Variants in COL25A1 observed in about 807,000 individuals in gnomAD.
COL25A1 encodes the protein collagen alpha-1(XXV) chain.
In COL25A1, 103 loss-of-function variants were observed where a neutral mutation model predicts 128.4. The ratio of observed to expected loss-of-function variants is 0.80; its 90% CI spans 0.68 to 0.94. The LOEUF is 0.94. Ranked by LOEUF, COL25A1 falls within the 40% of genes least tolerant of loss-of-function variation. The probability of loss-of-function intolerance (pLI) is 0.00; values close to 1 mark genes in which losing one functional copy is unlikely to be tolerated. For synonymous variants in COL25A1, 279 were observed against 277.2 expected (o/e 1.01, Z -0.06); for missense variants, 745 against 840.0 (o/e 0.89, Z 1.40).
At chr4:109,254,503 A>ATG (rs1314174661) in intron 3 of COL25A1, among the ~76,000 whole-genome samples, 23 of 113,924 alleles carry the variant, frequency 2.0e-4, no homozygotes, top group African/African-American at 3.3e-4. Context: ...ATATATATAT[A>ATG]TATGTATGTG....
chr4:109,117,307 C>T (rs750539734), intron 3 of COL25A1, among the ~76,000 whole-genome samples: 26 of 151,974 alleles, frequency 1.7e-4, no homozygotes, highest in East Asian at 3.9e-4. Flanking sequence ...ATAAGAATTA[C>T]GTCCAATTTC....
At chr4:108,814,526 G>A (rs1560689710) in intron 37 of COL25A1, among the ~76,000 whole-genome samples, 5 of 152,114 alleles carry the variant, frequency 3.3e-5, no homozygotes, top group African/African-American at 7.2e-5. Context: ...CTAAGGCACC[G>A]CAGATTTCTG....
At chr4:108,899,809 G>A (rs556255164) in intron 14 of COL25A1, among the ~76,000 whole-genome samples, 123 of 152,150 alleles carry the variant, frequency 8.1e-4, no homozygotes, top group Non-Finnish European at 1.4e-3. Flanking sequence ...GTGAGTTTAG[G>A]AATGATGTCC....
chr4:109,285,928 C>T (rs1560982398), intron 3 of COL25A1, among the ~76,000 whole-genome samples: 1 of 152,230 alleles, frequency 6.6e-6, no homozygotes, highest in East Asian at 1.9e-4. Context: ...CAGCATACCA[C>T]ATCAGTAATA....
intron 3 of COL25A1, among the ~76,000 whole-genome samples, chr4:109,268,305 G>A (rs1781928052): frequency 6.6e-6 from 1 of 152,098 alleles, no homozygotes; most frequent in African/African-American, 2.4e-5. Context: ...AAGCATTTAT[G>A]TCTATTTTTT....
intron 3 of COL25A1, among the ~76,000 whole-genome samples, chr4:109,248,441 A>C (rs1180961933): frequency 6.6e-6 from 1 of 152,132 alleles, no homozygotes; most frequent in Non-Finnish European, 1.5e-5. Flanking sequence ...CCAGCCACCC[A>C]TTCAACTGGC....
chr4:109,194,504 T>C (rs1775862939), intron 3 of COL25A1, among the ~76,000 whole-genome samples: 1 of 152,174 alleles, frequency 6.6e-6, no homozygotes, highest in South Asian at 2.1e-4. Flanking sequence ...TACACCCTGA[T>C]GAATAAAGCA....
chr4:108,863,794 C>A (rs1737555049), intron 20 of COL25A1, among the ~76,000 whole-genome samples: 2 of 152,194 alleles, frequency 1.3e-5, no homozygotes, highest in African/African-American at 2.4e-5. Context: ...GCTGAGAGCC[C>A]TTCCTCTCAG....
chr4:109,000,757 AAAAAAAAAAAAG>A lies in COL25A1; in HGVS notation c.438+9589_438+9600del, dbSNP rs1400875062. Among the ~76,000 whole-genome samples the A allele has an allele frequency of 2.4e-4, 35 of 143,418 alleles. 1 individual carries two copies. The highest frequency in any genetic ancestry group is 6.8e-4 in the African/African-American group (27 of 39,678). The allele number at this position is 143,418 out of a possible 152,430, so 94.1% of individuals were successfully genotyped here. The stretch of plus-strand genomic sequence containing the variant: ...TGAGACTCTGTCAAAAAAAAAAAAA[AAAAAAAAAAAAG>A]AAAAAACTATACACATAACACTTTG... On this transcript the variant is annotated intron_variant, in intron 6 of 37. Transcript: ENST00000399132.
chr4:109,245,435 A>C (rs1311468742), intron 3 of COL25A1, among the ~76,000 whole-genome samples: 1 of 150,768 alleles, frequency 6.6e-6, no homozygotes, highest in Middle Eastern at 3.2e-3. Flanking sequence ...GCCAAACTTG[A>C]AATAACAAAG....
At chr4:109,281,799 C>T (rs1723409719) in intron 3 of COL25A1, among the ~76,000 whole-genome samples, 1 of 152,008 alleles carries the variant, frequency 6.6e-6, no homozygotes. Context: ...AAGATTATAC[C>T]CATCTAGTTA....
intron 3 of COL25A1, among the ~76,000 whole-genome samples, chr4:109,268,118 T>A (rs1249064005): frequency 6.6e-6 from 1 of 152,206 alleles, no homozygotes; most frequent in African/African-American, 2.4e-5. Flanking sequence ...AAATGAGGTG[T>A]GAATATCTGC....
At chr4:109,137,984 A>ATATGTGCGTGTGTG (rs547874075) in intron 3 of COL25A1, among the ~76,000 whole-genome samples, 1 of 142,490 alleles carries the variant, frequency 7.0e-6, no homozygotes, top group Non-Finnish European at 1.5e-5. Context: ...TTATATATAT[A>ATATGTGCGTGTGTG]TGTGTGTGTG....
chr4:108,993,340 T>C (rs10006173), intron 6 of COL25A1, among the ~76,000 whole-genome samples: 121,086 of 152,160 alleles, frequency 0.8, 49,351 homozygotes, highest in East Asian at 1. Flanking sequence ...GGTTCATCCA[T>C]GTTGTTGCAA....
chr4:108,911,628 A>G (rs1350318284), intron 13 of COL25A1, among the ~76,000 whole-genome samples: 2 of 152,184 alleles, frequency 1.3e-5, no homozygotes, highest in African/African-American at 4.8e-5. Context: ...ATCAATGAGT[A>G]CATTTAAGGG....
In COL25A1 at chr4:108,809,921, G is replaced by A. The variant is rs1482081270; in HGVS notation, c.*4006C>T. ...AGAAAGATAAGATAGGGTTCCTAAG[G>A]ACTTAACTTCCAAGAGATAGCAGGA... On this transcript the variant is annotated 3_prime_UTR_variant, in exon 38 of 38. Transcript: ENST00000399132. The A allele has an allele frequency of 1.3e-5, 2 of 151,878 alleles. No homozygotes were observed. The highest frequency in any genetic ancestry group is 2.9e-5 in the Non-Finnish European group (2 of 67,854). The allele number at this position is 151,878 out of a possible 1,614,324, so 9.4% of individuals were successfully genotyped here.
At chr4:109,075,731 C>T (rs1763320056) in intron 3 of COL25A1, among the ~76,000 whole-genome samples, 2 of 152,116 alleles carry the variant, frequency 1.3e-5, no homozygotes, top group African/African-American at 4.8e-5. Flanking sequence ...ATTTTACCCA[C>T]CATATAGTCC....
intron 11 of COL25A1, among the ~76,000 whole-genome samples, chr4:108,932,004 T>C (rs541150363): frequency 1.3e-5 from 2 of 152,324 alleles, no homozygotes; most frequent in African/African-American, 4.8e-5. Flanking sequence ...TTGCAAAATC[T>C]AGTCTAATAA....
At chr4:109,271,662 G>C (rs1327585108) in intron 3 of COL25A1, among the ~76,000 whole-genome samples, 4 of 152,122 alleles carry the variant, frequency 2.6e-5, no homozygotes, top group Non-Finnish European at 5.9e-5. Flanking sequence ...AGAGAAATTT[G>C]CCCAGCATCT....
Sources: gnomAD v4.1 joint callset for allele counts (sites outside exome capture counted in the v4.1 genomes callset) on GRCh38, gnomAD v4.1.1 for gene constraint, MANE v1.5 for transcripts, NCBI Gene and HGNC (gene_info 2026-07-23, HGNC 2026-07-21) for gene names.